CCDC171: variants seen among roughly 807,000 people sequenced by gnomAD.
The protein encoded by CCDC171 is coiled-coil domain-containing protein 171.
A neutral mutation model predicts 168.2 loss-of-function variants in CCDC171; 177 were observed. The observed-to-expected ratio is 1.05, with a 90% CI of 0.93 to 1.19. The LOEUF (loss-of-function observed/expected upper bound fraction) is 1.19, where lower values mean the gene tolerates loss of function less well. Ranked by LOEUF, CCDC171 falls within the 50% of genes most tolerant of loss-of-function variation. The probability of loss-of-function intolerance (pLI) is 0.00; values close to 1 mark genes in which losing one functional copy is unlikely to be tolerated. For missense variants in CCDC171, 1,991 were observed against 1,539.0 expected, an observed-to-expected ratio of 1.29 and a Z score of -4.91; for synonymous variants, 687 against 540.8, an observed-to-expected ratio of 1.27 and a Z score of -3.75.
chr9:16,018,326 A>C (rs1833081899), intron 3 of CCDC171, among the ~76,000 whole-genome samples: 1 of 152,238 alleles, frequency 6.6e-6, no homozygotes, highest in South Asian at 2.1e-4. Flanking sequence ...GAGAAAGGGC[A>C]GGAGATGATT....
chr9:16,102,223 C>T, the CCDC171 span, among the ~76,000 whole-genome samples: 20,461 of 152,040 alleles, frequency 0.13, 1,517 homozygotes, highest in Non-Finnish European at 0.16. Context: ...AGGGAAATTA[C>T]GATATTGTCT....
At chr9:15,652,416 T>G (rs1018354832) in intron 7 of CCDC171, among the ~76,000 whole-genome samples, 82 of 152,014 alleles carry the variant, frequency 5.4e-4, no homozygotes, top group Non-Finnish European at 1.8e-4. Context: ...TGTGTATCCT[T>G]TTGCTGGTAC....
chr9:15,948,082 T>C (rs897528520), intron 25 of CCDC171, among the ~76,000 whole-genome samples: 1 of 151,312 alleles, frequency 6.6e-6, no homozygotes, highest in Non-Finnish European at 1.5e-5. Flanking sequence ...GGTGTTTGGT[T>C]TTTTGTTCTT....
At chr9:16,014,934 C>A (rs1266596519) in intron 3 of CCDC171, among the ~76,000 whole-genome samples, 7 of 152,086 alleles carry the variant, frequency 4.6e-5, no homozygotes, top group Admixed American at 6.6e-5. Context: ...GTTAAAGTCA[C>A]CAGCTCCATT....
intron 3 of CCDC171, among the ~76,000 whole-genome samples, chr9:15,983,984 T>C (rs1422274067): frequency 6.7e-6 from 1 of 149,706 alleles, no homozygotes; most frequent in African/African-American, 2.5e-5. Context: ...GCAGCATAAA[T>C]AGCCCTTTCC....
chr9:15,741,772 C>G (rs549486359), intron 16 of CCDC171, among the ~76,000 whole-genome samples: 47 of 152,020 alleles, frequency 3.1e-4, no homozygotes, highest in African/African-American at 1.1e-3. Flanking sequence ...CTTTTTGTTG[C>G]CTAGTTGTAC....
chr9:15,779,635 C>T (rs1365424990), intron 20 of CCDC171, among the ~76,000 whole-genome samples: 1 of 152,212 alleles, frequency 6.6e-6, no homozygotes, highest in Non-Finnish European at 1.5e-5. Context: ...GCTGGGATTA[C>T]AGGTGTGAGC....
At chr9:15,641,297 A>G (rs1281474472) in intron 7 of CCDC171, among the ~76,000 whole-genome samples, 1 of 152,070 alleles carries the variant, frequency 6.6e-6, no homozygotes, top group Admixed American at 6.6e-5. Context: ...AATTCATCTC[A>G]TTTTTCTTGA....
intron 9 of CCDC171, among the ~76,000 whole-genome samples, chr9:15,676,329 T>A (rs1169172073): frequency 6.6e-6 from 1 of 152,178 alleles, no homozygotes; most frequent in East Asian, 1.9e-4. Flanking sequence ...CATGCTCCTT[T>A]AGCTCGGAGA....
intron 24 of CCDC171, among the ~76,000 whole-genome samples, chr9:15,902,283 C>CAA (rs1821811741): frequency 6.8e-6 from 1 of 147,944 alleles, no homozygotes; most frequent in African/African-American, 2.6e-5. Context: ...TATATATATA[C>CAA]ACACACACAC....
At chr9:15,553,016 G>A (rs1444905827), upstream of CCDC171, 5 of 153,004 alleles carry the variant, frequency 3.3e-5, no homozygotes, top group East Asian at 9.6e-4. Flanking sequence ...GAAAAAGTGG[G>A]GCCGGGCCTG....
At chr9:15,639,532 C>G (rs2046437691) in intron 7 of CCDC171, among the ~76,000 whole-genome samples, 1 of 151,910 alleles carries the variant, frequency 6.6e-6, no homozygotes, top group Non-Finnish European at 1.5e-5. Context: ...AAAACTTTTT[C>G]TTCATTAAAC....
intron 16 of CCDC171, among the ~76,000 whole-genome samples, chr9:15,741,901 T>C (rs1363872228): frequency 2.0e-5 from 3 of 152,204 alleles, no homozygotes; most frequent in African/African-American, 7.2e-5. Context: ...AGATACTGAC[T>C]TTAGGATACA....
intron 23 of CCDC171, among the ~76,000 whole-genome samples, chr9:15,867,298 AATAT>A (rs891647433): frequency 6.6e-6 from 1 of 152,044 alleles, no homozygotes; most frequent in Non-Finnish European, 1.5e-5. Flanking sequence ...AGTAAATAAT[AATAT>A]ATAGTTATTT....
At chr9:15,586,111 T>G (rs1367243377) in intron 4 of CCDC171, among the ~76,000 whole-genome samples, 1 of 152,096 alleles carries the variant, frequency 6.6e-6, no homozygotes, top group African/African-American at 2.4e-5. Flanking sequence ...TATTTAGGAG[T>G]GAAATGTCCT....
intron 8 of CCDC171, among the ~76,000 whole-genome samples, chr9:16,037,166 A>C (rs982501930): frequency 2.0e-5 from 3 of 152,350 alleles, no homozygotes; most frequent in Admixed American, 6.5e-5. Context: ...CAACACAGAG[A>C]AATGATGTGT....
At chr9:15,929,191 C>A (rs1263943286) in intron 25 of CCDC171, among the ~76,000 whole-genome samples, 2 of 151,578 alleles carry the variant, frequency 1.3e-5, no homozygotes, top group African/African-American at 2.4e-5. Context: ...TCAAAGTGAT[C>A]AGTATAATTG....
chr9:15,935,310 A>G (rs1193694649), intron 25 of CCDC171, among the ~76,000 whole-genome samples: 1 of 152,038 alleles, frequency 6.6e-6, no homozygotes, highest in African/African-American at 2.4e-5. Context: ...TTCTAGAGCA[A>G]ACTTTACTAT....
intron 10 of CCDC171, among the ~76,000 whole-genome samples, chr9:15,692,128 C>A (rs1045071401): frequency 6.6e-6 from 1 of 152,156 alleles, no homozygotes; most frequent in African/African-American, 2.4e-5. Flanking sequence ...GTAATCTCAA[C>A]GCTTTGGGAG....
Sources: allele counts gnomAD v4.1 joint callset (sites outside exome capture counted in the v4.1 genomes callset), GRCh38; gene constraint gnomAD v4.1.1; transcripts MANE v1.5; gene names NCBI Gene and HGNC (gene_info 2026-07-23, HGNC 2026-07-21).